The following POGZ variants were observed in gnomAD, a reference collection of about 807,000 sequenced individuals.
The protein encoded by POGZ is pogo transposable element derived with ZNF domain.
Under a neutral mutation model 134.6 loss-of-function variants are expected in POGZ, and 17 were observed. That is an observed-to-expected ratio of 0.13 (90% CI 0.09 to 0.19). POGZ has a LOEUF of 0.19. Among genes scored for constraint, POGZ ranks in the 10% least tolerant of loss-of-function variants. POGZ has a pLI of 1.00. For synonymous variants in POGZ, 693 were observed against 657.1 expected (o/e 1.05, Z -0.84); for missense variants, 1,306 against 1,769.7 (o/e 0.74, Z 4.70).
chr1:151,412,440 C>A (rs373598027), intron 10 of POGZ, 44 bp from the exon 11 acceptor site: 10 of 1,055,920 alleles, frequency 9.5e-6, no homozygotes, highest in South Asian at 1.3e-5. Context: ...GAAAATAAGA[C>A]AAAAGTCCTG....
At chr1:151,422,641 G>A (rs111272459) in intron 10 of POGZ, among the ~76,000 whole-genome samples, 2,508 of 151,964 alleles carry the variant, frequency 0.017, 85 homozygotes, top group African/African-American at 0.057. Flanking sequence ...GCCCAGACTG[G>A]AGTGCAATGG....
chr1:151,445,184 C>G (rs1661092298), intron 1 of POGZ, among the ~76,000 whole-genome samples: 1 of 152,128 alleles, frequency 6.6e-6, no homozygotes, highest in African/African-American at 2.4e-5. Flanking sequence ...GGTATGAGTA[C>G]TGCCAAGATA....
intron 1 of POGZ, among the ~76,000 whole-genome samples, chr1:151,452,141 T>A (rs1339255625): frequency 1.4e-5 from 2 of 144,240 alleles, no homozygotes; most frequent in Non-Finnish European, 3.0e-5. Context: ...TGGCCGGGCA[T>A]GGTGGCAGGC....
rs763076511 is a variant in POGZ, at chr1:151,423,464, G to A, written c.1611C>T (p.Arg537=). 1 of 1,613,978 alleles carries A rather than the reference G, an allele frequency of 6.2e-7. No homozygotes were observed. The highest frequency in any genetic ancestry group is 8.5e-7 in the Non-Finnish European group (1 of 1,179,828). ...GAAGCTGGAAGGGAGTGGAAAACTG[G>A]CGGTAACAGTGCTGGCAGATAGTGT... ...DGHTICQHCY[R]QFSTPFQLQC... is the part of the protein sequence containing the mutation. Residue 537 remains arginine (R), a synonymous_variant, in exon 10 of 19, where the codon CGC becomes CGT. Coordinates refer to ENST00000271715, the MANE Select transcript of POGZ (RefSeq NM_015100.4).
chr1:151,455,240 C>T (rs1662633838), intron 1 of POGZ: 1 of 152,168 alleles, frequency 6.6e-6, no homozygotes, highest in African/African-American at 2.4e-5. Context: ...TGTAATCAAC[C>T]AGCTCTAAAG....
In POGZ at chr1:151,406,402, G is replaced by C; in HGVS notation, c.2633C>G (p.Ser878Cys). The C allele has an allele frequency of 6.4e-7, 1 of 1,571,002 alleles. No homozygotes were observed. Residue 878 changes from serine to cysteine, a missense_variant, in exon 19 of 19, where the codon TCC becomes TGC. Physicochemically the swap from Ser to Cys is moderately radical, Grantham distance 112. Coordinates refer to ENST00000271715, the MANE Select transcript of POGZ (RefSeq NM_015100.4). The part of the protein sequence containing the change: ...RNVKNMYPPP[S>C]FPTNKAATVK... ...AGTGGCAGCTTTGTTAGTGGGGAAG[G>C]AAGGAGGAGGGTACATATTCTTCAC...
chr1:151,453,170 T>G (rs1416879644), intron 1 of POGZ, among the ~76,000 whole-genome samples: 1 of 151,990 alleles, frequency 6.6e-6, no homozygotes, highest in Non-Finnish European at 1.5e-5. Flanking sequence ...TCCGCCCATC[T>G]TGGCCTCCCA....
chr1:151,432,549 A>T (rs138761166), intron 3 of POGZ, among the ~76,000 whole-genome samples: 9 of 152,330 alleles, frequency 5.9e-5, no homozygotes, highest in African/African-American at 2.2e-4. Flanking sequence ...GGGTTTTTTA[A>T]ATTTTTAAAT....
chr1:151,406,181 T>C lies in POGZ; in HGVS notation c.2854A>G (p.Thr952Ala), dbSNP rs759307565. Residue 952 changes from threonine to alanine, a missense_variant, in exon 19 of 19, where the codon ACC (threonine) becomes GCC (alanine). By Grantham distance (58) the Thr-to-Ala change is moderately conservative. Coordinates refer to ENST00000271715, the MANE Select transcript of POGZ (RefSeq NM_015100.4). Reference sequence around the variant, plus strand: ...CCTGATGCTAGCTCAGGTTCTTGGGTGACTGGGCTCCCTTCATCCTGATCA... The same window carrying C: ...CCTGATGCTAGCTCAGGTTCTTGGGCGACTGGGCTCCCTTCATCCTGATCA... ...VDDQDEGSPV[T>A]QEPELASGGG... is the part of the protein sequence containing the mutation. 1.9e-6 allele frequency: 3 copies of C among 1,614,134 alleles called. No homozygotes were observed. Among genetic ancestry groups the C allele is most frequent in the South Asian group, 2.2e-5 (2 of 91,072 alleles).
chr1:151,408,713 C>G lies in POGZ; in HGVS notation c.2042G>C (p.Gly681Ala). ...KTFRKPKQLEGLKPGTKVTIR... is the reference protein window; with the variant it reads ...KTFRKPKQLEALKPGTKVTIR... ...CTTTACCTTGGTGCCTGGTTTCAAG[C>G]CCTCCAGCTGCTTGGGTTTACGGAA... Residue 681 changes from glycine to alanine, a missense_variant, in exon 13 of 19, where the codon GGC becomes GCC. Physicochemically the swap from Gly to Ala is moderately conservative, Grantham distance 60 (BLOSUM62 0). Coordinates refer to ENST00000271715, the MANE Select transcript of POGZ (RefSeq NM_015100.4). The G allele has an allele frequency of 1.2e-6, 2 of 1,613,956 alleles. No homozygotes were observed. Among genetic ancestry groups the G allele is most frequent in the Non-Finnish European group, 1.7e-6 (2 of 1,179,986 alleles).
At chr1:151,417,890 T>C (rs1203411457) in intron 10 of POGZ, among the ~76,000 whole-genome samples, 1 of 152,176 alleles carries the variant, frequency 6.6e-6, no homozygotes, top group African/African-American at 2.4e-5. Flanking sequence ...TGCACTCCCA[T>C]GTTTATTGCT....
At chr1:151,436,962 G>C (rs1659684943) in intron 3 of POGZ, among the ~76,000 whole-genome samples, 1 of 152,170 alleles carries the variant, frequency 6.6e-6, no homozygotes, top group African/African-American at 2.4e-5. Context: ...GGTAGGCCAA[G>C]ACAGGCAGAT....
intron 10 of POGZ, among the ~76,000 whole-genome samples, chr1:151,422,477 TTTGAGC>T (rs1386261580): frequency 6.6e-6 from 1 of 152,258 alleles, no homozygotes; most frequent in Non-Finnish European, 1.5e-5. Context: ...ACTCAATTTC[TTTGAGC>T]TTATGTTCAG....
chr1:151,423,415 T>C lies in POGZ; in HGVS notation c.1660A>G (p.Ser554Gly). 1.2e-6 allele frequency: 2 copies of C among 1,614,120 alleles called. No homozygotes were observed. Among genetic ancestry groups the C allele is most frequent in the Non-Finnish European group, 1.7e-6 (2 of 1,179,950 alleles). Residue 554 changes from serine (S) to glycine (G), a missense_variant, in exon 10 of 19, where the codon AGT becomes GGT. Coordinates refer to ENST00000271715, the MANE Select transcript of POGZ (RefSeq NM_015100.4). Reference protein sequence around the residue: ...QLQCHLENVHSPYESTTKCKI... With the variant: ...QLQCHLENVHGPYESTTKCKI... ...AACTTACTAGTAGATTCATAGGGAC[T>C]ATGAACATTTTCCAAGTGGCACTGA...
At chr1:151,441,513 C>A (rs1429551962) in intron 2 of POGZ, among the ~76,000 whole-genome samples, 3 of 152,152 alleles carry the variant, frequency 2.0e-5, no homozygotes, top group East Asian at 1.9e-4. Flanking sequence ...AAATATAGAG[C>A]AACTGGTACA....
chr1:151,448,151 A>G (rs1661534636), intron 1 of POGZ, among the ~76,000 whole-genome samples: 1 of 152,122 alleles, frequency 6.6e-6, no homozygotes, highest in African/African-American at 2.4e-5. Context: ...CCACATCCAC[A>G]AATATATTTC....
chr1:151,414,990 C>T (rs1019897653), intron 10 of POGZ, among the ~76,000 whole-genome samples: 1 of 152,096 alleles, frequency 6.6e-6, no homozygotes, highest in African/African-American at 2.4e-5. Context: ...CACCATCACC[C>T]TCCTTAACAC....
intron 10 of POGZ, among the ~76,000 whole-genome samples, chr1:151,420,559 C>T (rs1396367061): frequency 6.6e-6 from 1 of 152,120 alleles, no homozygotes; most frequent in African/African-American, 2.4e-5. Context: ...AATCTGCCTG[C>T]CTCGGCCTCT....
intron 3 of POGZ, 45 bp from the exon 4 acceptor site, chr1:151,430,886 T>C (rs1355358676): frequency 1.5e-6 from 2 of 1,301,648 alleles, no homozygotes; most frequent in Non-Finnish European, 2.1e-6. Context: ...TTAGAAACAA[T>C]GTTAAACCCA....
Sources: gnomAD v4.1 joint callset for allele counts (sites outside exome capture counted in the v4.1 genomes callset) on GRCh38, gnomAD v4.1.1 for gene constraint, MANE v1.5 for transcripts, NCBI Gene and HGNC (gene_info 2026-07-23, HGNC 2026-07-21) for gene names.